LINGO2: variants seen among roughly 807,000 people sequenced by gnomAD.
The protein encoded by LINGO2 is leucine rich repeat and Ig domain containing 2, also known as leucine-rich repeat and immunoglobulin-like domain-containing nogo receptor-interacting protein 2.
LINGO2 carries 14 observed loss-of-function variants against 30.6 expected under a neutral mutation model. That is an observed-to-expected ratio of 0.46 (90% CI 0.30 to 0.72). LINGO2 has a LOEUF of 0.72. Among genes scored for constraint, LINGO2 ranks in the 30% least tolerant of loss-of-function variants. The pLI, the probability that LINGO2 is intolerant of heterozygous loss-of-function variation, is 0.07. For missense variants in LINGO2, 729 were observed against 751.7 expected, an observed-to-expected ratio of 0.97 and a Z score of 0.35; for synonymous variants, 317 against 288.5, an observed-to-expected ratio of 1.10 and a Z score of -1.00.
chr9:29,140,206 C>G, the LINGO2 span, among the ~76,000 whole-genome samples: 1 of 151,640 alleles, frequency 6.6e-6, no homozygotes, highest in Non-Finnish European at 1.5e-5. Context: ...ACTAATGGGA[C>G]AAAATAAATC....
At chr9:28,383,858 C>CT (rs908623010) in intron 2 of LINGO2, among the ~76,000 whole-genome samples, 136 of 152,058 alleles carry the variant, frequency 8.9e-4, no homozygotes, top group African/African-American at 3.2e-3. Flanking sequence ...TGTATATGCA[C>CT]TTTTTTCCAC....
chr9:28,507,253 G>A (rs1198967871), intron 1 of LINGO2, among the ~76,000 whole-genome samples: 1 of 142,658 alleles, frequency 7.0e-6, no homozygotes, highest in Non-Finnish European at 1.5e-5. Flanking sequence ...GTGCGCACAT[G>A]TGTGTGTAGA....
chr9:28,831,527 AC>A, the LINGO2 span, among the ~76,000 whole-genome samples: 13 of 152,218 alleles, frequency 8.5e-5, no homozygotes, highest in African/African-American at 2.9e-4. Context: ...GCAGATTTAA[AC>A]CCAGGTCAGC....
At chr9:28,433,795 C>G (rs1823778532) in intron 2 of LINGO2, among the ~76,000 whole-genome samples, 1 of 151,716 alleles carries the variant, frequency 6.6e-6, no homozygotes, top group Non-Finnish European at 1.5e-5. Flanking sequence ...CAAAGGAAAA[C>G]AAATCATTAT....
chr9:28,673,496 G>A (rs993606335), upstream of LINGO2, among the ~76,000 whole-genome samples: 18 of 152,068 alleles, frequency 1.2e-4, no homozygotes, highest in East Asian at 1.9e-4. Flanking sequence ...GAGAAACCTC[G>A]TCTCTACTAA....
At chr9:28,074,887 T>C (rs1332170871) in intron 4 of LINGO2, among the ~76,000 whole-genome samples, 1 of 151,804 alleles carries the variant, frequency 6.6e-6, no homozygotes, top group Non-Finnish European at 1.5e-5. Context: ...AAGCATTGTA[T>C]CTTTTTCTCT....
chr9:28,684,785 C>A, the LINGO2 span, among the ~76,000 whole-genome samples: 1 of 152,124 alleles, frequency 6.6e-6, no homozygotes, highest in African/African-American at 2.4e-5. Flanking sequence ...TCCCAAAGTG[C>A]TGGGATTAAA....
intron 2 of LINGO2, among the ~76,000 whole-genome samples, chr9:28,376,004 A>C (rs1167875354): frequency 6.6e-6 from 1 of 152,076 alleles, no homozygotes; most frequent in Non-Finnish European, 1.5e-5. Flanking sequence ...TCAGGATCTG[A>C]TATGGCTGCT....
rs1044633583 is a variant in LINGO2, at chr9:28,148,403, C to G, written c.-86-135998G>C. 9 of 1,269,254 alleles carry G rather than the reference C, an allele frequency of 7.1e-6. No homozygotes were observed. Among genetic ancestry groups the G allele is most frequent in the Non-Finnish European group, 1.0e-5 (9 of 904,216 alleles). The allele number at this position is 1,269,254 out of a possible 1,614,324, so 78.6% of individuals were successfully genotyped here. A position where few individuals can be genotyped will look rare whatever the true frequency, so the allele number is the denominator to read the frequency against. On this transcript the variant is annotated intron_variant, in intron 4 of 5. Coordinates refer to ENST00000379992, the Ensembl canonical transcript of LINGO2. The surrounding 1 kb of genome is among the most constrained non-coding windows in gnomAD (Gnocchi z 5.1). ...CCTTCAACTTCCTTCATTAGATGAG[C>G]AGGTGATCCCAGCCAGGCTCCCGAA...
intron 3 of LINGO2, among the ~76,000 whole-genome samples, chr9:28,299,564 T>C (rs990720819): frequency 6.6e-6 from 1 of 152,152 alleles, no homozygotes; most frequent in Admixed American, 6.5e-5. Context: ...CTATTTTATA[T>C]GTAGTTTCTT....
the LINGO2 span, among the ~76,000 whole-genome samples, chr9:28,884,994 TATTATATATATA>T: frequency 2.2e-4 from 1 of 4,610 alleles, no homozygotes; most frequent in African/African-American, 7.0e-4. Context: ...TATAATAATA[TATTATATATATA>T]TATATATATA....
rs540794034 is a variant in LINGO2 at position 28,123,924 on chromosome 9, C to T, written c.-86-111519G>A. 1.7e-3 allele frequency among the ~76,000 whole-genome samples: 255 copies of T among 152,262 alleles called. 2 individuals are homozygous for T. Among genetic ancestry groups the T allele is most frequent in the African/African-American group, 5.8e-3 (242 of 41,552 alleles). On this transcript the variant is annotated intron_variant, in intron 4 of 5. Transcript: ENST00000379992. The stretch of plus-strand genomic sequence containing the variant: ...CTCATGATCCACTCACCTTGGCCTC[C>T]CAAAGTGCTGGGATTACAGGTGTGA...
At position 28,555,811 on chromosome 9, in the gene LINGO2, G is replaced by A. The variant is rs576762556; in HGVS notation, c.-364-79786C>T. ...AAGCTTATCCACCATGATCAAGTGG[G>A]CTTCATCCCTGGGATGCAAGGCTGG... On this transcript the variant is annotated intron_variant, in intron 1 of 5. Transcript: ENST00000379992. Among the ~76,000 whole-genome samples the A allele has an allele frequency of 7.9e-5, 12 of 152,098 alleles. No homozygotes were observed. In the East Asian group the frequency reaches 2.1e-3, roughly 27 times the overall value.
At chr9:28,377,993 GA>G (rs1821195735) in intron 2 of LINGO2, among the ~76,000 whole-genome samples, 1 of 152,098 alleles carries the variant, frequency 6.6e-6, no homozygotes, top group Non-Finnish European at 1.5e-5. Flanking sequence ...TATTCCTCAA[GA>G]AATTCTACAT....
intron 3 of LINGO2, among the ~76,000 whole-genome samples, chr9:28,298,771 T>A (rs1216593237): frequency 2.6e-5 from 4 of 151,270 alleles, no homozygotes; most frequent in Non-Finnish European, 1.5e-5. Flanking sequence ...TAAAATGAAT[T>A]TTTGACAATG....
chr9:28,088,892 A>C (rs1825992070), intron 4 of LINGO2, among the ~76,000 whole-genome samples: 1 of 152,146 alleles, frequency 6.6e-6, no homozygotes, highest in Non-Finnish European at 1.5e-5. Flanking sequence ...AATGGAAAAC[A>C]AAAAAAGGAA....
chr9:28,033,882 T>G lies in LINGO2; in HGVS notation c.-86-21477A>C, dbSNP rs575669655. Among the ~76,000 whole-genome samples, 5 of 152,338 alleles carry G rather than the reference T, an allele frequency of 3.3e-5. No homozygotes were observed. In the East Asian group the frequency reaches 9.6e-4, roughly 29 times the overall value. On this transcript the variant is annotated intron_variant, in intron 4 of 5. Coordinates refer to ENST00000379992, the Ensembl canonical transcript of LINGO2. ...GACATTTGTTCAGTCAACAAGGATTTCCCATCCCCCACACCCAAGTCCAGC... is the reference window on the plus strand; with the variant it reads ...GACATTTGTTCAGTCAACAAGGATTGCCCATCCCCCACACCCAAGTCCAGC...
intron 4 of LINGO2, among the ~76,000 whole-genome samples, chr9:28,187,865 A>G (rs1251887785): frequency 6.6e-6 from 1 of 152,136 alleles, no homozygotes; most frequent in Admixed American, 6.5e-5. Context: ...ATTGTATACT[A>G]TGAGTTGAAT....
chr9:28,021,284 T>C (rs1274958701), intron 4 of LINGO2, among the ~76,000 whole-genome samples: 1 of 152,138 alleles, frequency 6.6e-6, no homozygotes, highest in East Asian at 1.9e-4. Context: ...ACAAGTGTCT[T>C]TTAATTTCTA....
Sources: allele counts gnomAD v4.1 joint callset (sites outside exome capture counted in the v4.1 genomes callset), GRCh38; gene constraint gnomAD v4.1.1; non-coding constraint Gnocchi (gnomAD v3.1); transcripts MANE v1.5; gene names NCBI Gene and HGNC (gene_info 2026-07-23, HGNC 2026-07-21).